Variants in GLI1 observed in about 807,000 individuals in gnomAD.
GLI1 encodes the protein transcription activator GLI1.
GLI1 carries 51 observed loss-of-function variants against 87.8 expected under a neutral mutation model. That is an observed-to-expected ratio of 0.58 (90% CI 0.46 to 0.73). The LOEUF (loss-of-function observed/expected upper bound fraction) is 0.73, where lower values mean the gene tolerates loss of function less well. Ranked by LOEUF, GLI1 falls within the 30% of genes least tolerant of loss-of-function variation. GLI1 has a pLI of 0.00. For missense variants in GLI1, 1,292 were observed against 1,437.2 expected, an observed-to-expected ratio of 0.90 and a Z score of 1.63; for synonymous variants, 528 against 558.2, an observed-to-expected ratio of 0.95 and a Z score of 0.76.
At chr12:57,470,056 AAAC>A (rs1255553716) in intron 11 of GLI1, among the ~76,000 whole-genome samples, 2 of 152,144 alleles carry the variant, frequency 1.3e-5, no homozygotes, top group Non-Finnish European at 2.9e-5. Flanking sequence ...ACAAACAAAC[AAAC>A]AAGTATGCAA....
In GLI1 at chr12:57,471,837, G is replaced by A. The variant is rs1871985037; in HGVS notation, c.3097G>A (p.Val1033Ile). 3 of 1,571,698 alleles carry A rather than the reference G, an allele frequency of 1.9e-6. No homozygotes were observed. Among genetic ancestry groups the A allele is most frequent in the African/African-American group, 1.4e-5 (1 of 73,828 alleles). Residue 1033 changes from valine to isoleucine, a missense_variant, in exon 12 of 12, where the codon GTA (valine) becomes ATA (isoleucine). Coordinates refer to ENST00000228682, the MANE Select transcript of GLI1 (RefSeq NM_005269.3). This position sits in a 1 kb window ranked among gnomAD's most constrained non-coding sequence, Gnocchi z 4.9. ...CTTGTACCCTCCTCCCGAAGGACAGGTATGTAACCCCCTGGACTCTCTTGA... is the reference window on the plus strand; with the variant it reads ...CTTGTACCCTCCTCCCGAAGGACAGATATGTAACCCCCTGGACTCTCTTGA... ...PALYPPPEGQ[V>I]CNPLDSLDLD...
At position 57,466,287 on chromosome 12, in the gene GLI1, C is replaced by T; in HGVS notation, c.810C>T (p.Cys270=). Residue 270 remains cysteine (C), a synonymous_variant, in exon 8 of 12, where the codon TGC becomes TGT. Coordinates refer to ENST00000228682, the MANE Select transcript of GLI1 (RefSeq NM_005269.3). ...HIHGERKEFV[C]HWGGCSRELR... ...ACGGGGAGCGGAAGGAGTTCGTGTG[C>T]CACTGGGGGGGCTGCTCCAGGGAGC... The T allele has an allele frequency of 6.2e-7, 1 of 1,613,950 alleles. No homozygotes were observed. The highest frequency in any genetic ancestry group is 2.2e-5 in the East Asian group (1 of 44,868).
Position 57,472,105 on chromosome 12 carries a change from G to A in GLI1, c.*44G>A. 1 of 1,352,816 alleles carries A rather than the reference G, an allele frequency of 7.4e-7. No homozygotes were observed. Among genetic ancestry groups the A allele is most frequent in the Non-Finnish European group, 9.9e-7 (1 of 1,005,724 alleles). The allele number at this position is 1,352,816 out of a possible 1,614,324, so 83.8% of individuals were successfully genotyped here. A position where few individuals can be genotyped will look rare whatever the true frequency, so the allele number is the denominator to read the frequency against. ...CATCACAGATCGCATTTCCTAAGGG[G>A]TTTCTATCCTTCCAGAAAAATTGGG... On this transcript the variant is annotated 3_prime_UTR_variant, in exon 12 of 12. Coordinates refer to ENST00000228682, the MANE Select transcript of GLI1 (RefSeq NM_005269.3).
chr12:57,467,469 A>G lies in GLI1; in HGVS notation c.1049A>G (p.Lys350Arg). 6.2e-7 allele frequency: 1 copy of G among 1,609,588 alleles called. No homozygotes were observed. Among genetic ancestry groups the G allele is most frequent in the Non-Finnish European group, 8.5e-7 (1 of 1,176,196 alleles). Residue 350 changes from lysine to arginine, a missense_variant, in exon 9 of 12, where the codon AAG becomes AGG. Lys to Arg is a conservative substitution (Grantham distance 26, BLOSUM62 2). This residue lies in a region of GLI1 where 897 missense variants were observed against 1,040.7 expected (regional missense o/e 0.86). Transcript: ENST00000228682. ...KAFSNASDRA[K>R]HQNRTHSNEK... ...TTCAGCAATGCCAGTGACCGAGCCA[A>G]GCACCAGAATCGGACCCATTCCAAT... is the stretch of plus-strand genomic sequence containing the variant.
At position 57,468,531 on chromosome 12, in the gene GLI1, C is replaced by T. The variant is rs764717682; in HGVS notation, c.1308+307C>T. Among the ~76,000 whole-genome samples, 5 of 151,732 alleles carry T rather than the reference C, an allele frequency of 3.3e-5. No homozygotes were observed. The East Asian group carries it at 7.8e-4, about 24-fold the overall frequency. ...TCTTTCTGACAGAGTCTTGCTCTGT[C>T]GCCCAGGCTGGAGTGTAGTGGCATA... is the stretch of plus-strand genomic sequence containing the variant. On this transcript the variant is annotated intron_variant, in intron 10 of 11. Transcript: ENST00000228682.
Position 57,464,676 on chromosome 12 carries a change from C to T in GLI1, c.197C>T (p.Pro66Leu). 1 of 1,613,320 alleles carries T rather than the reference C, an allele frequency of 6.2e-7. No individual in the cohort carries two copies. The change falls in exon 4 of 12, where the codon CCA becomes CTA. Residue 66 changes from proline to leucine, a missense_variant. Physicochemically the swap from Pro to Leu is moderately conservative, Grantham distance 98. Transcript: ENST00000228682. ...TCTCCGCTGTCTCCTGCCCCAGGCC[C>T]ACTCTTTTCTTCTCCCCGGAGTGCA... ...ARETNSCTEGPLFSSPRSAVK... is the reference protein window; with the variant it reads ...ARETNSCTEGLLFSSPRSAVK...
chr12:57,465,147 A>G lies in GLI1; in HGVS notation c.426A>G (p.Gln142=). 6.2e-7 allele frequency: 1 copy of G among 1,614,054 alleles called. No homozygotes were observed. Among genetic ancestry groups the G allele is most frequent in the Non-Finnish European group, 8.5e-7 (1 of 1,179,934 alleles). The change falls in exon 5 of 12, where the codon CAA becomes CAG. Residue 142 remains glutamine, a synonymous_variant. Transcript: ENST00000228682. ...GATTCCCAGCCCAGATGAATCACCA[A>G]AAAGGGCCCTCGCCTTCCTTTGGGG... ...SLGFPAQMNH[Q]KGPSPSFGVQ...
Position 57,471,613 on chromosome 12 carries a change from A to G in GLI1, c.2873A>G (p.Asn958Ser). The G allele has an allele frequency of 1.9e-6, 3 of 1,613,914 alleles. No individual in the cohort carries two copies. The highest frequency in any genetic ancestry group is 2.5e-6 in the Non-Finnish European group (3 of 1,179,914). ...CCTGGCTTTGGACCCAACTTGCCCA[A>G]TCACAAGTCAGGTTCCTATCCCACC... is the stretch of plus-strand genomic sequence containing the variant. The part of the protein sequence containing the change: ...YGPGFGPNLP[N>S]HKSGSYPTPS... The change falls in exon 12 of 12, where the codon AAT (asparagine) becomes AGT (serine). Residue 958 changes from asparagine to serine, a missense_variant. Physicochemically the swap from Asn to Ser is conservative, Grantham distance 46 (BLOSUM62 1). Transcript: ENST00000228682. This position sits in a 1 kb window ranked among gnomAD's most constrained non-coding sequence, Gnocchi z 4.9.
Position 57,460,093 on chromosome 12 carries a change from A to T in GLI1, c.-136A>T, listed in dbSNP as rs1303445954. On this transcript the variant is annotated 5_prime_UTR_variant, in exon 1 of 12. Coordinates refer to ENST00000228682, the MANE Select transcript of GLI1 (RefSeq NM_005269.3). ...GCCAGGTTGGGGGGGTGGGGGTGGC[A>T]TCGAGGCTGCGCTGCCGTGGCCCTC... The T allele has an allele frequency of 6.6e-6, 1 of 151,522 alleles. No homozygotes were observed. The highest frequency in any genetic ancestry group is 2.4e-5 in the African/African-American group (1 of 41,298). The allele number at this position is 151,522 out of a possible 1,614,324, so 9.4% of individuals were successfully genotyped here.
chr12:57,468,168 C>T lies in GLI1; in HGVS notation c.1252C>T (p.Arg418Trp), dbSNP rs564218374. ...SISTVEPKRE[R>W]EGGPIREESR... is the part of the protein sequence containing the mutation. ...TTCTACAGTGGAGCCCAAGAGGGAG[C>T]GGGAAGGAGGTCCCATCAGGGAGGA... The change falls in exon 10 of 12, where the codon CGG becomes TGG. Residue 418 changes from arginine to tryptophan, a missense_variant. Coordinates refer to ENST00000228682, the MANE Select transcript of GLI1 (RefSeq NM_005269.3). 6 of 1,614,138 alleles carry T rather than the reference C, an allele frequency of 3.7e-6. No individual in the cohort carries two copies. In the African/African-American group the frequency reaches 4.0e-5, roughly 11 times the overall value.
Position 57,471,148 on chromosome 12 carries a change from G to A in GLI1, c.2408G>A (p.Cys803Tyr). 1 of 1,611,586 alleles carries A rather than the reference G, an allele frequency of 6.2e-7. No individual in the cohort carries two copies. Among genetic ancestry groups the A allele is most frequent in the Non-Finnish European group, 8.5e-7 (1 of 1,178,818 alleles). The change falls in exon 12 of 12, where the codon TGT (cysteine) becomes TAT (tyrosine). Residue 803 changes from cysteine (C) to tyrosine (Y), a missense_variant. Coordinates refer to ENST00000228682, the MANE Select transcript of GLI1 (RefSeq NM_005269.3). This position sits in a 1 kb window ranked among gnomAD's most constrained non-coding sequence, Gnocchi z 4.9. ...GCTCTAGGTGGAACCTACAGCCAGT[G>A]TCCTCGACTTGAACATTATGGACAA... ...PKALGGTYSQ[C>Y]PRLEHYGQVQ...
At chr12:57,465,998 C>CAT in intron 7 of GLI1, 73 bp downstream of exon 7, 1 of 1,414,810 alleles carries the variant, frequency 7.1e-7, no homozygotes. Context: ...TGGTGGAATC[C>CAT]GGCTGAGGGC....
In GLI1 at chr12:57,472,121, A is replaced by C; in HGVS notation, c.*60A>C. On this transcript the variant is annotated 3_prime_UTR_variant, in exon 12 of 12. Coordinates refer to ENST00000228682, the MANE Select transcript of GLI1 (RefSeq NM_005269.3). ...TCCTAAGGGGTTTCTATCCTTCCAG[A>C]AAAATTGGGGGAGCTGCAGTCCCAT... 1 of 1,249,974 alleles carries C rather than the reference A, an allele frequency of 8.0e-7. No individual in the cohort carries two copies. Among genetic ancestry groups the C allele is most frequent in the South Asian group, 1.6e-5 (1 of 61,974 alleles). 77.4% of individuals were successfully genotyped at this position (1,249,974 alleles called of 1,614,324 possible). A position where few individuals can be genotyped will look rare whatever the true frequency, so the allele number is the denominator to read the frequency against.
rs748020175 is a variant in GLI1, at chr12:57,465,786, A to G, written c.625-2A>G. ...ACCCTGAGATTGCCTCTCTTGCCCT[A>G]GGATCCCCTGTTGGGGATGCTGGAT... On this transcript the variant is annotated splice_acceptor_variant, in intron 6 of 11. Coordinates refer to ENST00000228682, the MANE Select transcript of GLI1 (RefSeq NM_005269.3). LOFTEE classifies it high-confidence loss of function. 4 of 1,614,040 alleles carry G rather than the reference A, an allele frequency of 2.5e-6. No homozygotes were observed. In the South Asian group the frequency reaches 3.3e-5, roughly 13 times the overall value.
intron 11 of GLI1, 52 bp downstream of exon 11, chr12:57,469,750 G>A (rs1871746225): frequency 1.3e-6 from 2 of 1,563,124 alleles, no homozygotes; most frequent in East Asian, 4.5e-5. Context: ...GACCTGCCCT[G>A]AGGTTGAGAG....
chr12:57,467,549 G>A, intron 9 of GLI1, 52 bp downstream of exon 9: 1 of 1,446,058 alleles, frequency 6.9e-7, no homozygotes, highest in East Asian at 2.3e-5. Context: ...ACCTACCAGG[G>A]AGATTCCCCC....
chr12:57,464,095 A>T lies in GLI1; in HGVS notation c.193+4A>T. Reference sequence around the variant, plus strand: ...GAGACCAACAGCTGCACCGAGGGTGAGGGCTCAGGCAACACCTCTTCCCTT... The same window carrying T: ...GAGACCAACAGCTGCACCGAGGGTGTGGGCTCAGGCAACACCTCTTCCCTT... On this transcript the variant is annotated splice_donor_region_variant and intron_variant, in intron 3 of 11. Coordinates refer to ENST00000228682, the MANE Select transcript of GLI1 (RefSeq NM_005269.3). 1 of 1,577,658 alleles carries T rather than the reference A, an allele frequency of 6.3e-7. No individual in the cohort carries two copies. The highest frequency in any genetic ancestry group is 8.7e-7 in the Non-Finnish European group (1 of 1,146,568).
chr12:57,466,483 C>T, intron 8 of GLI1, 94 bp downstream of exon 8: 1 of 831,436 alleles, frequency 1.2e-6, no homozygotes, highest in Non-Finnish European at 1.9e-6. Flanking sequence ...TTTATAAGTC[C>T]TTTCTTCCAT....
Position 57,465,291 on chromosome 12 carries a change from G to C in GLI1, c.534+36G>C, listed in dbSNP as rs778320176. ...CCATATTGCTACCTGATTTCCCTCA[G>C]CTCAGGGTGGGTGGGTGGTGGATTT... On this transcript the variant is annotated intron_variant, in intron 5 of 11. Coordinates refer to ENST00000228682, the MANE Select transcript of GLI1 (RefSeq NM_005269.3). The C allele has an allele frequency of 7.8e-6, 12 of 1,537,894 alleles. No homozygotes were observed. The Admixed American group carries it at 2.2e-4, about 28-fold the overall frequency.
Sources: allele counts gnomAD v4.1 joint callset (sites outside exome capture counted in the v4.1 genomes callset), GRCh38; gene constraint gnomAD v4.1.1; regional missense constraint gnomAD v4.1.1; non-coding constraint Gnocchi (gnomAD v3.1); transcripts MANE v1.5; gene names NCBI Gene and HGNC (gene_info 2026-07-23, HGNC 2026-07-21).